SLC25A21: variants seen among roughly 807,000 people sequenced by gnomAD.
SLC25A21 encodes the protein mitochondrial 2-oxodicarboxylate carrier.
A neutral mutation model predicts 43.8 loss-of-function variants in SLC25A21; 47 were observed. That is an observed-to-expected ratio of 1.07 (90% CI 0.85 to 1.37). The LOEUF (loss-of-function observed/expected upper bound fraction) is 1.37, where lower values mean the gene tolerates loss of function less well. SLC25A21 is among the 40% of genes most tolerant of loss of function. SLC25A21 has a pLI of 0.00. For missense variants in SLC25A21, 352 were observed against 350.2 expected, an observed-to-expected ratio of 1.00 and a Z score of -0.04; for synonymous variants, 131 against 121.3, an observed-to-expected ratio of 1.08 and a Z score of -0.52.
intron 2 of SLC25A21, among the ~76,000 whole-genome samples, chr14:36,854,705 A>T (rs1889846345): frequency 6.6e-6 from 1 of 151,676 alleles, no homozygotes; most frequent in Admixed American, 6.6e-5. Flanking sequence ...ATAGAATGAA[A>T]GTGTGTTAGA....
In SLC25A21 at chr14:36,979,365, G is replaced by C. The variant is rs149830498; in HGVS notation, c.71-104361C>G. Among the ~76,000 whole-genome samples, 185 of 135,382 alleles carry C rather than the reference G, an allele frequency of 1.4e-3. 1 individual carries two copies. In the East Asian group the frequency reaches 0.032, roughly 23 times the overall value. 88.8% of individuals were successfully genotyped at this position (135,382 alleles called of 152,430 possible). A position where few individuals can be genotyped will look rare whatever the true frequency, so the allele number is the denominator to read the frequency against. ...TTTTACTGTTTTTGTTTGTTTGTTT[G>C]TTTGTTTTGAGATGAAGTCTTGCTC... On this transcript the variant is annotated intron_variant, in intron 1 of 9. Coordinates refer to ENST00000331299, the MANE Select transcript of SLC25A21 (RefSeq NM_030631.4).
chr14:36,774,940 G>A (rs1439031265), intron 3 of SLC25A21, among the ~76,000 whole-genome samples: 3 of 151,952 alleles, frequency 2.0e-5, no homozygotes, highest in African/African-American at 7.3e-5. Context: ...TAGAAATAAC[G>A]ACAATTTAAA....
intron 3 of SLC25A21, among the ~76,000 whole-genome samples, chr14:36,752,032 G>A (rs1885729215): frequency 6.6e-6 from 1 of 152,212 alleles, no homozygotes; most frequent in Non-Finnish European, 1.5e-5. Context: ...TAGGGATAGA[G>A]CAGTGAACAA....
rs1334900893 is a variant in SLC25A21, at chr14:36,887,032, T to C, written c.71-12028A>G. On this transcript the variant is annotated intron_variant, in intron 1 of 9. Transcript: ENST00000331299. Reference sequence around the variant, plus strand: ...ATTAGTTGGCAGAAGGAAAAATTCTTTTGAGTATATAAAATGTCTTTAAAG... The same window carrying C: ...ATTAGTTGGCAGAAGGAAAAATTCTCTTGAGTATATAAAATGTCTTTAAAG... 3.9e-5 allele frequency among the ~76,000 whole-genome samples: 6 copies of C among 152,134 alleles called. No individual in the cohort carries two copies. The East Asian group carries it at 1.2e-3, about 29-fold the overall frequency.
At chr14:37,048,345 C>T (rs1397650807) in intron 1 of SLC25A21, among the ~76,000 whole-genome samples, 1 of 152,042 alleles carries the variant, frequency 6.6e-6, no homozygotes, top group Non-Finnish European at 1.5e-5. Context: ...TTTCTAATAA[C>T]AGATAGGTAG....
rs527573148 is a variant in SLC25A21, at chr14:37,132,183, A to C, written c.70+40098T>G. 2.8e-4 allele frequency among the ~76,000 whole-genome samples: 43 copies of C among 152,292 alleles called. 1 individual carries two copies. The South Asian group carries it at 8.9e-3, about 32-fold the overall frequency. On this transcript the variant is annotated intron_variant, in intron 1 of 9. Transcript: ENST00000331299. ...TTATCAGGAGCCCACTCTCACGCAA[A>C]TGCCATTAATCCATTCATGAGGGTC...
At chr14:37,062,331 A>G (rs1259339599) in intron 1 of SLC25A21, among the ~76,000 whole-genome samples, 1 of 152,214 alleles carries the variant, frequency 6.6e-6, no homozygotes, top group Non-Finnish European at 1.5e-5. Context: ...GTTCTCACAG[A>G]AGAGTTGTGA....
chr14:36,771,361 G>T (rs1248386465), intron 3 of SLC25A21, among the ~76,000 whole-genome samples: 1 of 145,590 alleles, frequency 6.9e-6, no homozygotes, highest in African/African-American at 2.5e-5. Flanking sequence ...GCCAAGAATA[G>T]ATTTTTTTTT....
intron 3 of SLC25A21, among the ~76,000 whole-genome samples, chr14:36,765,592 GCC>G (rs1886382859): frequency 6.6e-6 from 1 of 152,242 alleles, no homozygotes; most frequent in South Asian, 2.1e-4. Context: ...GTATGCTGTG[GCC>G]TGGGAAAACT....
intron 7 of SLC25A21, among the ~76,000 whole-genome samples, chr14:36,695,718 T>C (rs911460622): frequency 1.3e-5 from 2 of 152,256 alleles, no homozygotes; most frequent in East Asian, 3.8e-4. Context: ...TGTCTGTTAA[T>C]GGAGTATAGG....
At chr14:36,774,453 G>A (rs2138363803) in intron 3 of SLC25A21, among the ~76,000 whole-genome samples, 1 of 152,328 alleles carries the variant, frequency 6.6e-6, no homozygotes, top group Non-Finnish European at 1.5e-5. Flanking sequence ...GGGAAAGCCA[G>A]TATGAGGAAA....
intron 1 of SLC25A21, among the ~76,000 whole-genome samples, chr14:37,001,498 G>A (rs1960488761): frequency 6.6e-6 from 1 of 152,116 alleles, no homozygotes; most frequent in African/African-American, 2.4e-5. Context: ...TGCTGTTATT[G>A]CTATGGCTAA....
In SLC25A21 at chr14:36,736,413, C is replaced by T. The variant is rs1177949955; in HGVS notation, c.204-1840G>A. On this transcript the variant is annotated intron_variant, in intron 3 of 9. Coordinates refer to ENST00000331299, the MANE Select transcript of SLC25A21 (RefSeq NM_030631.4). The stretch of plus-strand genomic sequence containing the variant: ...ACGAATTACTTCTAGCAACTAATAA[C>T]ATTTAAATACTTTTCTCATTTAAAT... Among the ~76,000 whole-genome samples the T allele has an allele frequency of 3.3e-5, 5 of 152,166 alleles. No individual in the cohort carries two copies. The East Asian group carries it at 7.7e-4, about 23-fold the overall frequency.
chr14:36,734,610 A>T (rs1480508863), intron 3 of SLC25A21, 37 bp from the exon 4 acceptor site: 1 of 1,491,130 alleles, frequency 6.7e-7, no homozygotes, highest in Non-Finnish European at 9.2e-7. Flanking sequence ...TGAGTAAGGA[A>T]ATTAGGCAAC....
At chr14:36,992,434 A>T (rs1007810866) in intron 1 of SLC25A21, among the ~76,000 whole-genome samples, 12 of 151,928 alleles carry the variant, frequency 7.9e-5, no homozygotes, top group African/African-American at 2.7e-4. Context: ...ATAATAAAAA[A>T]ATTTTTTTTA....
intron 6 of SLC25A21, among the ~76,000 whole-genome samples, chr14:36,712,515 A>T (rs951898039): frequency 1.1e-4 from 16 of 152,232 alleles, no homozygotes; most frequent in Non-Finnish European, 2.4e-4. Context: ...GAATAGAACA[A>T]ATCCCATCAA....
chr14:36,774,661 G>A (rs1280710896), intron 3 of SLC25A21, among the ~76,000 whole-genome samples: 2 of 151,996 alleles, frequency 1.3e-5, no homozygotes, highest in Admixed American at 6.6e-5. Flanking sequence ...TTAATCTCCT[G>A]GGCTCAAGGA....
intron 3 of SLC25A21, among the ~76,000 whole-genome samples, chr14:36,764,805 G>T (rs965615986): frequency 6.6e-6 from 1 of 152,182 alleles, no homozygotes; most frequent in Non-Finnish European, 1.5e-5. Flanking sequence ...CCCCTAAACT[G>T]TTGTTCTGAT....
intron 8 of SLC25A21, among the ~76,000 whole-genome samples, chr14:36,684,297 G>A (rs565684042): frequency 3.9e-5 from 6 of 152,138 alleles, no homozygotes; most frequent in Admixed American, 2.0e-4. Context: ...AAAGAGGGGC[G>A]AAGAAACAGA....
Sources: allele counts gnomAD v4.1 joint callset (sites outside exome capture counted in the v4.1 genomes callset), GRCh38; gene constraint gnomAD v4.1.1; transcripts MANE v1.5; gene names NCBI Gene and HGNC (gene_info 2026-07-23, HGNC 2026-07-21).